U2SURP: variants seen among roughly 807,000 people sequenced by gnomAD.
U2SURP encodes U2 snRNP associated SURP domain containing.
Under a neutral mutation model 144.9 loss-of-function variants are expected in U2SURP, and 9 were observed. That is an observed-to-expected ratio of 0.06 (90% confidence interval 0.04 to 0.11). The LOEUF (loss-of-function observed/expected upper bound fraction) is 0.11, where lower values mean the gene tolerates loss of function less well. U2SURP is among the 10% of genes least tolerant of loss of function. U2SURP has a pLI of 1.00. For synonymous variants in U2SURP, 408 were observed against 396.8 expected, an observed-to-expected ratio of 1.03 and a Z score of -0.33; for missense variants, 724 against 1,226.7, an observed-to-expected ratio of 0.59 and a Z score of 6.12.
intron 13 of U2SURP, chr3:143,025,963 A>G (rs1391154399): frequency 6.6e-6 from 1 of 152,154 alleles, no homozygotes; most frequent in African/African-American, 2.4e-5. Context: ...CTATATATTT[A>G]TTTACATTCT....
At chr3:143,038,018 G>A in intron 21 of U2SURP, 90 bp from the exon 22 acceptor site, 1 of 842,980 alleles carries the variant, frequency 1.2e-6, no homozygotes, top group Non-Finnish European at 1.7e-6. Context: ...ATTTTACTTT[G>A]CTTTTTAATA....
Position 143,021,413 on chromosome 3 carries a change from G to A in U2SURP, c.769+28G>A, listed in dbSNP as rs373460902. ...AATACAGTTTTTTGCTCTTTTAATC[G>A]ATAAATTTTCCAAACTTTATGTTTT... On this transcript the variant is annotated intron_variant, in intron 9 of 27. Transcript: ENST00000473835. 250 of 1,606,534 alleles carry A rather than the reference G, an allele frequency of 1.6e-4. 1 individual carries two copies. The Middle Eastern group carries it at 2.6e-3, about 17-fold the overall frequency.
chr3:143,014,134 A>G (rs534423072), intron 3 of U2SURP, among the ~76,000 whole-genome samples, 177 bp from the exon 4 acceptor site: 1 of 152,060 alleles, frequency 6.6e-6, no homozygotes, highest in African/African-American at 2.4e-5. Flanking sequence ...TGAATACTTA[A>G]CATCAGAGTC....
At chr3:143,034,788 A>T in intron 18 of U2SURP, 100 bp from the exon 19 acceptor site, 1 of 676,118 alleles carries the variant, frequency 1.5e-6, no homozygotes, top group Non-Finnish European at 2.5e-6. Context: ...CTTGATTTGT[A>T]AGTATTTTAA....
chr3:143,001,976 T>C (rs554327574), intron 1 of U2SURP, among the ~76,000 whole-genome samples: 1 of 152,350 alleles, frequency 6.6e-6, no homozygotes, highest in Admixed American at 6.5e-5. Flanking sequence ...GAAAACGCTC[T>C]CCTGTATCTC....
chr3:143,026,603 C>T (rs545601186), intron 13 of U2SURP: 1 of 152,132 alleles, frequency 6.6e-6, no homozygotes, highest in East Asian at 1.9e-4. Flanking sequence ...CAGAAAAACA[C>T]AGGAGTTGGA....
intron 24 of U2SURP, among the ~76,000 whole-genome samples, chr3:143,044,630 C>T (rs1278915182): frequency 6.6e-6 from 1 of 152,172 alleles, no homozygotes; most frequent in Non-Finnish European, 1.5e-5. Flanking sequence ...GTTTAGCAAT[C>T]AGTCTCAAAC....
chr3:143,001,970 A>G (rs1158778620), intron 1 of U2SURP, among the ~76,000 whole-genome samples: 1 of 152,138 alleles, frequency 6.6e-6, no homozygotes, highest in Non-Finnish European at 1.5e-5. Flanking sequence ...AGCAGTGAAA[A>G]CGCTCTCCTG....
chr3:143,036,090 G>A lies in U2SURP; in HGVS notation c.2050G>A (p.Glu684Lys). The change falls in exon 20 of 28, where the codon GAA becomes AAA. Residue 684 changes from glutamate to lysine, a missense_variant. Transcript: ENST00000473835. ...CTTAGGACTTGTAAATATTATTGAA[G>A]AAAAGGAAACAGAGGTAGGCAGTCT... is the stretch of plus-strand genomic sequence containing the variant. ...IFLGLVNIIE[E>K]KETEDVPDDL... 1 of 1,605,228 alleles carries A rather than the reference G, an allele frequency of 6.2e-7. No individual in the cohort carries two copies. Among genetic ancestry groups the A allele is most frequent in the Non-Finnish European group, 8.5e-7 (1 of 1,177,354 alleles).
chr3:143,004,122 G>A (rs1019557999), intron 1 of U2SURP, among the ~76,000 whole-genome samples: 16 of 152,170 alleles, frequency 1.1e-4, no homozygotes, highest in Admixed American at 1.0e-3. Flanking sequence ...GGAAAGAACA[G>A]ATGAGTGGCT....
intron 1 of U2SURP, among the ~76,000 whole-genome samples, chr3:143,010,213 A>C (rs1319681613): frequency 6.6e-6 from 1 of 152,232 alleles, no homozygotes; most frequent in Non-Finnish European, 1.5e-5. Flanking sequence ...AACAGTTGAC[A>C]TCACTGGAAG....
At chr3:143,047,777 C>T (rs367705805) in intron 24 of U2SURP, among the ~76,000 whole-genome samples, 2 of 75,542 alleles carry the variant, frequency 2.6e-5, no homozygotes, top group Non-Finnish European at 5.4e-5. Context: ...CCCTCCTGAA[C>T]GGGGCGACTG....
At chr3:143,051,708 A>G (rs1206402508) in intron 25 of U2SURP, among the ~76,000 whole-genome samples, 1 of 151,932 alleles carries the variant, frequency 6.6e-6, no homozygotes, top group Admixed American at 6.6e-5. Flanking sequence ...AAAGCTGTTA[A>G]TGTACAAAAC....
intron 24 of U2SURP, among the ~76,000 whole-genome samples, chr3:143,049,399 G>T (rs2108315575): frequency 6.6e-6 from 1 of 152,116 alleles, no homozygotes; most frequent in South Asian, 2.1e-4. Flanking sequence ...ATAAAATGCT[G>T]TAGTAGCATT....
intron 10 of U2SURP, 47 bp downstream of exon 10, chr3:143,021,602 G>A (rs537905840): frequency 6.5e-7 from 1 of 1,528,408 alleles, no homozygotes; most frequent in African/African-American, 1.4e-5. Flanking sequence ...TTATGCTTTT[G>A]GAAGAAAGCT....
At chr3:143,039,599 AT>A (rs10706682) in intron 23 of U2SURP, among the ~76,000 whole-genome samples, 74,047 of 136,714 alleles carry the variant, frequency 0.54, 19,862 homozygotes, top group East Asian at 0.67. Flanking sequence ...AGGGAGTTGA[AT>A]TTTTTTTTTT....
chr3:143,010,857 C>A lies in U2SURP; in HGVS notation c.88C>A (p.His30Asn). ...TCATTCATCTGGATCTTCAGATGCA[C>A]ATGTGAGTATAGAAGGCAATCTTTG... Reference protein sequence around the residue: ...DVHSSGSSDAHMDASGPSDSD... With the variant: ...DVHSSGSSDANMDASGPSDSD... Residue 30 changes from histidine (H) to asparagine (N), a missense_variant and splice_region_variant, in exon 2 of 28, where the codon CAT becomes AAT. Around this residue, in one of 13 missense-constraint regions of U2SURP, gnomAD observed 127 missense variants for 98.2 expected, o/e 1.29. Transcript: ENST00000473835. 6.2e-7 allele frequency: 1 copy of A among 1,606,360 alleles called. No homozygotes were observed. The highest frequency in any genetic ancestry group is 1.1e-5 in the South Asian group (1 of 90,260).
intron 25 of U2SURP, among the ~76,000 whole-genome samples, chr3:143,052,740 T>C (rs2108319388): frequency 6.6e-6 from 1 of 152,330 alleles, no homozygotes; most frequent in East Asian, 1.9e-4. Context: ...CTGGTATAGG[T>C]TCTTTTCACC....
intron 24 of U2SURP, among the ~76,000 whole-genome samples, chr3:143,050,674 TTATAATTGTGTTGAGAGAA>T (rs1289791499): frequency 6.6e-6 from 1 of 152,172 alleles, no homozygotes; most frequent in Admixed American, 6.5e-5. Flanking sequence ...ACCAAATTTG[TTATAATTGTGTTGAGAGAA>T]TAAGTGAGTT....
Sources: allele counts gnomAD v4.1 joint callset (sites outside exome capture counted in the v4.1 genomes callset), GRCh38; gene constraint gnomAD v4.1.1; regional missense constraint gnomAD v4.1.1; transcripts MANE v1.5; gene names NCBI Gene and HGNC (gene_info 2026-07-23, HGNC 2026-07-21).